DLG2: variants seen among roughly 807,000 people sequenced by gnomAD.
The protein encoded by DLG2 is disks large homolog 2.
Under a neutral mutation model 132.5 loss-of-function variants are expected in DLG2, and 45 were observed. The ratio of observed to expected loss-of-function variants is 0.34; its 90% CI spans 0.27 to 0.44. DLG2 has a LOEUF of 0.44. Among genes scored for constraint, DLG2 ranks in the 20% least tolerant of loss-of-function variants. The probability of loss-of-function intolerance (pLI) is 1.00; values close to 1 mark genes in which losing one functional copy is unlikely to be tolerated. For synonymous variants in DLG2, 424 were observed against 419.6 expected, an observed-to-expected ratio of 1.01 and a Z score of -0.13; for missense variants, 1,045 against 1,196.9, an observed-to-expected ratio of 0.87 and a Z score of 1.87.
rs1376442260 is a variant in DLG2, at chr11:85,545,916, T to C, written c.40+52741A>G. ...ATTAGTCTGGCTAGCAGTCTATCTA[T>C]TTTGTTGAACTTTTCAAAAAACCAG... On this transcript the variant is annotated intron_variant, in intron 3 of 27. Coordinates refer to ENST00000376104, the MANE Select transcript of DLG2 (RefSeq NM_001142699.3). 3.3e-5 allele frequency among the ~76,000 whole-genome samples: 5 copies of C among 152,210 alleles called. 1 individual carries two copies. The highest frequency in any genetic ancestry group is 4.8e-5 in the African/African-American group (2 of 41,450).
chr11:85,261,924 C>A (rs2076963359), intron 4 of DLG2, among the ~76,000 whole-genome samples: 1 of 151,914 alleles, frequency 6.6e-6, no homozygotes, highest in South Asian at 2.1e-4. Context: ...GGTGGTTTGT[C>A]AGGGGAAGAA....
chr11:83,699,315 T>C lies in DLG2; in HGVS notation c.1826-65990A>G, dbSNP rs560120897. The stretch of plus-strand genomic sequence containing the variant: ...TAATAAAACTATGGCACAATTCACA[T>C]TGGGCTACTCCACACTTGTAAGAAA... On this transcript the variant is annotated intron_variant, in intron 18 of 27. Coordinates refer to ENST00000376104, the MANE Select transcript of DLG2 (RefSeq NM_001142699.3). Among the ~76,000 whole-genome samples, 7 of 152,238 alleles carry C rather than the reference T, an allele frequency of 4.6e-5. No homozygotes were observed. In the South Asian group the frequency reaches 1.0e-3, roughly 23 times the overall value.
At chr11:85,059,087 A>T (rs2063756954) in intron 6 of DLG2, among the ~76,000 whole-genome samples, 2 of 151,562 alleles carry the variant, frequency 1.3e-5, no homozygotes, top group Non-Finnish European at 3.0e-5. Flanking sequence ...AGTGAAATAA[A>T]ATGTTTGGAA....
chr11:84,159,774 G>A (rs1165778820), intron 9 of DLG2, among the ~76,000 whole-genome samples: 3 of 152,148 alleles, frequency 2.0e-5, no homozygotes. Flanking sequence ...TGGTTGTTGA[G>A]GCATGGGATG....
At chr11:83,903,357 T>A (rs1173104999) in intron 15 of DLG2, among the ~76,000 whole-genome samples, 1 of 152,148 alleles carries the variant, frequency 6.6e-6, no homozygotes, top group Non-Finnish European at 1.5e-5. Flanking sequence ...ATATCAAGAA[T>A]ATTTGAAGGT....
chr11:85,583,090 G>GTA (rs2078677232), intron 3 of DLG2, among the ~76,000 whole-genome samples: 1 of 31,964 alleles, frequency 3.1e-5, no homozygotes, highest in Non-Finnish European at 6.1e-5. Context: ...TATATGTGAT[G>GTA]TGTGTGTGTG....
rs183892545 is a variant in DLG2, at chr11:83,828,546, T to C, written c.1722+5068A>G. 2.6e-5 allele frequency among the ~76,000 whole-genome samples: 4 copies of C among 152,340 alleles called. No individual in the cohort carries two copies. The East Asian group carries it at 5.8e-4, about 22-fold the overall frequency. On this transcript the variant is annotated intron_variant, in intron 17 of 27. Coordinates refer to ENST00000376104, the MANE Select transcript of DLG2 (RefSeq NM_001142699.3). Reference sequence around the variant, plus strand: ...AATGGACACAGGTAAACATGTTTTTTAGAAGTTCTTCATTGAAGAAGCCTG... The same window carrying C: ...AATGGACACAGGTAAACATGTTTTTCAGAAGTTCTTCATTGAAGAAGCCTG...
chr11:84,218,611 A>C (rs1048945457), intron 8 of DLG2, among the ~76,000 whole-genome samples: 7 of 152,210 alleles, frequency 4.6e-5, no homozygotes, highest in Non-Finnish European at 1.0e-4. Flanking sequence ...CTGCTAGTAG[A>C]AAGAAGTTTG....
intron 25 of DLG2, 144 bp downstream of exon 25, chr11:83,469,057 G>T: frequency 1.5e-6 from 1 of 646,928 alleles, no homozygotes; most frequent in Non-Finnish European, 2.6e-6. Flanking sequence ...GCTCTAAGGT[G>T]ATTCTCTGCT....
At chr11:84,501,604 T>C (rs886794399) in intron 7 of DLG2, among the ~76,000 whole-genome samples, 3 of 152,082 alleles carry the variant, frequency 2.0e-5, no homozygotes, top group Non-Finnish European at 4.4e-5. Flanking sequence ...ATTATGGAAT[T>C]AGAATACAAA....
chr11:83,736,486 T>G (rs1258218507), intron 18 of DLG2, among the ~76,000 whole-genome samples: 1 of 152,218 alleles, frequency 6.6e-6, no homozygotes, highest in Non-Finnish European at 1.5e-5. Context: ...ATGTCTTTTC[T>G]TGGCAAGATT....
intron 16 of DLG2, among the ~76,000 whole-genome samples, chr11:83,865,508 T>TTAAGAC (rs918806611): frequency 3.4e-5 from 5 of 145,684 alleles, no homozygotes; most frequent in African/African-American, 1.3e-4. Context: ...GAATGGCAAA[T>TTAAGAC]TAAGACTAAG....
intron 2 of DLG2, among the ~76,000 whole-genome samples, chr11:85,602,961 C>G (rs1565746426): frequency 6.6e-6 from 1 of 152,082 alleles, no homozygotes; most frequent in African/African-American, 2.4e-5. Flanking sequence ...TAGCAAACTT[C>G]AAGCTTATCC....
chr11:84,641,522 T>C (rs903627391), intron 6 of DLG2, among the ~76,000 whole-genome samples: 4 of 152,138 alleles, frequency 2.6e-5, no homozygotes, highest in African/African-American at 7.2e-5. Flanking sequence ...AACTGCATGT[T>C]TCCGGGAGAG....
intron 7 of DLG2, among the ~76,000 whole-genome samples, chr11:84,510,663 G>T (rs769328686): frequency 1.2e-4 from 19 of 152,192 alleles, no homozygotes; most frequent in Non-Finnish European, 2.1e-4. Flanking sequence ...TTTTTTAAAT[G>T]CTAATTGGTT....
At chr11:84,370,003 C>G (rs551628806) in intron 7 of DLG2, among the ~76,000 whole-genome samples, 3 of 152,210 alleles carry the variant, frequency 2.0e-5, no homozygotes, top group Non-Finnish European at 4.4e-5. Context: ...TCTGTTTCCA[C>G]TAAAACACCA....
intron 21 of DLG2, among the ~76,000 whole-genome samples, chr11:83,527,333 C>G (rs1177636859): frequency 2.6e-5 from 4 of 152,264 alleles, no homozygotes; most frequent in Non-Finnish European, 4.4e-5. Context: ...TGGAATCAGT[C>G]AGACATGAAT....
At chr11:85,196,942 C>A (rs1005639751) in intron 4 of DLG2, among the ~76,000 whole-genome samples, 16 of 152,136 alleles carry the variant, frequency 1.1e-4, no homozygotes, top group African/African-American at 3.9e-4. Context: ...TAAAAAGAAT[C>A]AACCATATCT....
intron 3 of DLG2, among the ~76,000 whole-genome samples, chr11:85,412,725 T>TTTCACACA (rs1555108878): frequency 1.1e-5 from 1 of 92,254 alleles, no homozygotes; most frequent in Non-Finnish European, 2.2e-5. Context: ...GAGCAGTATT[T>TTTCACACA]CACACACACA....
Sources: allele counts gnomAD v4.1 joint callset (sites outside exome capture counted in the v4.1 genomes callset), GRCh38; gene constraint gnomAD v4.1.1; transcripts MANE v1.5; gene names NCBI Gene and HGNC (gene_info 2026-07-23, HGNC 2026-07-21).